The following ANKRD54 variants were observed in gnomAD, a reference collection of about 807,000 sequenced individuals.
ANKRD54 encodes the protein ankyrin repeat domain 54, also known as ankyrin repeat domain-containing protein 54.
ANKRD54 carries 26 observed loss-of-function variants against 36.2 expected under a neutral mutation model. That is an observed-to-expected ratio of 0.72 (90% CI 0.53 to 1.00). The LOEUF (loss-of-function observed/expected upper bound fraction) is 1.00. Ranked by LOEUF, ANKRD54 falls within the 50% of genes least tolerant of loss-of-function variation. The pLI is 0.00. For synonymous variants in ANKRD54, 209 were observed against 188.4 expected, an observed-to-expected ratio of 1.11 and a Z score of -0.89; for missense variants, 384 against 424.3, an observed-to-expected ratio of 0.91 and a Z score of 0.83.
At chr22:37,835,909 G>A (rs369335274) in intron 3 of ANKRD54, among the ~76,000 whole-genome samples, 2 of 151,988 alleles carry the variant, frequency 1.3e-5, no homozygotes, top group Non-Finnish European at 2.9e-5. Flanking sequence ...ACGCGATCTC[G>A]GCTCACTGTA....
chr22:37,843,851 G>A lies in ANKRD54; in HGVS notation c.328+60C>T, dbSNP rs971803741. On this transcript the variant is annotated intron_variant, in intron 1 of 7. Transcript: ENST00000215941. ...CAAAGCGCGGCCACTGGTCCTCTGA[G>A]GCCCCGCCCCTCGCCCGGGCTGCCC... 4.3e-6 allele frequency: 5 copies of A among 1,157,296 alleles called. No homozygotes were observed. In the African/African-American group the frequency reaches 6.5e-5, roughly 15 times the overall value. 71.7% of individuals were successfully genotyped at this position (1,157,296 alleles called of 1,614,324 possible). A position where few individuals can be genotyped will look rare whatever the true frequency, so the allele number is the denominator to read the frequency against.
intron 1 of ANKRD54, among the ~76,000 whole-genome samples, chr22:37,841,353 T>C (rs1326641588): frequency 1.3e-5 from 2 of 152,020 alleles, no homozygotes; most frequent in African/African-American, 4.8e-5. Context: ...TGGTGAAACC[T>C]TGTCTATACT....
upstream of ANKRD54, among the ~76,000 whole-genome samples, chr22:37,846,392 C>A (rs950900352): frequency 1.3e-5 from 2 of 152,134 alleles, no homozygotes; most frequent in African/African-American, 4.8e-5. Context: ...GATCACAGCT[C>A]ACTGCACTCA....
upstream of ANKRD54, among the ~76,000 whole-genome samples, chr22:37,845,004 T>G (rs527284070): frequency 1.2e-4 from 17 of 143,468 alleles, no homozygotes; most frequent in East Asian, 3.4e-3. Flanking sequence ...GATATAGATG[T>G]TGTAAATCAA....
chr22:37,841,539 C>T (rs1454800655), intron 1 of ANKRD54, among the ~76,000 whole-genome samples: 2 of 146,786 alleles, frequency 1.4e-5, no homozygotes, highest in Admixed American at 6.8e-5. Context: ...CAAACACACA[C>T]ACACACACAC....
intron 1 of ANKRD54, 41 bp from the exon 2 acceptor site, chr22:37,840,275 A>G: frequency 3.1e-6 from 5 of 1,609,472 alleles, no homozygotes; most frequent in Non-Finnish European, 4.2e-6. Context: ...AAAAACAGCC[A>G]TGGCTGGGTG....
Position 37,833,667 on chromosome 22 carries a change from A to C in ANKRD54, c.547+17T>G. Reference sequence around the variant, plus strand: ...TTGCTGCAAATGAGTTGTCTTAGTGACTTCTGACATGCTTACCCAGGTGCA... The same window carrying C: ...TTGCTGCAAATGAGTTGTCTTAGTGCCTTCTGACATGCTTACCCAGGTGCA... On this transcript the variant is annotated intron_variant, in intron 4 of 7. Coordinates refer to ENST00000215941, the MANE Select transcript of ANKRD54 (RefSeq NM_138797.4). 6.2e-7 allele frequency: 1 copy of C among 1,613,408 alleles called. No homozygotes were observed.
intron 3 of ANKRD54, among the ~76,000 whole-genome samples, chr22:37,835,925 C>T (rs930876653): frequency 6.6e-6 from 1 of 152,000 alleles, no homozygotes; most frequent in Non-Finnish European, 1.5e-5. Flanking sequence ...CTGTAAGCTC[C>T]GCCTCCCGGC....
upstream of ANKRD54, among the ~76,000 whole-genome samples, chr22:37,845,697 C>T (rs1220115906): frequency 1.3e-5 from 2 of 152,092 alleles, no homozygotes; most frequent in African/African-American, 4.8e-5. Context: ...GATGAAACCT[C>T]GTTTCTACTA....
At position 37,830,918 on chromosome 22, in the gene ANKRD54, G is replaced by A. The variant is rs1473493488; in HGVS notation, c.*1025C>T. 1 of 152,156 alleles carries A rather than the reference G, an allele frequency of 6.6e-6. No individual in the cohort carries two copies. Among genetic ancestry groups the A allele is most frequent in the Admixed American group, 6.5e-5 (1 of 15,274 alleles). The allele number at this position is 152,156 out of a possible 1,614,324, so 9.4% of individuals were successfully genotyped here. A position where few individuals can be genotyped will look rare whatever the true frequency, so the allele number is the denominator to read the frequency against. ...AAAATCAGCCAGAATTATAAAATTA[G>A]CCTCACTGAGCCAGTCCAGGTGGGA... is the stretch of plus-strand genomic sequence containing the variant. On this transcript the variant is annotated 3_prime_UTR_variant, in exon 8 of 8. Transcript: ENST00000215941.
chr22:37,835,968 G>A (rs1923467630), intron 3 of ANKRD54, among the ~76,000 whole-genome samples: 2 of 151,892 alleles, frequency 1.3e-5, no homozygotes, highest in African/African-American at 4.8e-5. Flanking sequence ...GCGAGTAGCT[G>A]GAACTACAGG....
chr22:37,844,413 T>A, upstream of ANKRD54: 1 of 598,824 alleles, frequency 1.7e-6, no homozygotes, highest in Non-Finnish European at 2.8e-6. Context: ...AACCAATGAC[T>A]ACCCTTCCAG....
chr22:37,846,857 CTTT>C (rs759482944), upstream of ANKRD54, among the ~76,000 whole-genome samples: 3 of 142,736 alleles, frequency 2.1e-5, no homozygotes, highest in Non-Finnish European at 1.5e-5. Flanking sequence ...AATTTCTTTT[CTTT>C]TTTTTTTTTT....
intron 1 of ANKRD54, among the ~76,000 whole-genome samples, chr22:37,841,281 G>A (rs368721299): frequency 6.6e-6 from 1 of 150,892 alleles, no homozygotes; most frequent in Non-Finnish European, 1.5e-5. Flanking sequence ...ATCCCAGAAC[G>A]TTGGAAAGCT....
At chr22:37,845,809 C>T (rs1276956248), upstream of ANKRD54, among the ~76,000 whole-genome samples, 3 of 151,682 alleles carry the variant, frequency 2.0e-5, no homozygotes, top group African/African-American at 4.9e-5. Context: ...GCAGAGGTTG[C>T]GGTGAGCTGA....
At position 37,844,072 on chromosome 22, in the gene ANKRD54, C is replaced by T. The variant is rs1006098591; in HGVS notation, c.167G>A (p.Arg56Gln). 1 of 1,438,940 alleles carries T rather than the reference C, an allele frequency of 6.9e-7. No individual in the cohort carries two copies. Among genetic ancestry groups the T allele is most frequent in the Admixed American group, 3.0e-5 (1 of 33,244 alleles). 89.1% of individuals were successfully genotyped at this position (1,438,940 alleles called of 1,614,324 possible). The change falls in exon 1 of 8, where the codon CGG becomes CAG. Residue 56 changes from arginine (R) to glutamine (Q), a missense_variant. This residue lies in a region of ANKRD54 where 195 missense variants were observed against 177.7 expected (regional missense o/e 1.10). Coordinates refer to ENST00000215941, the MANE Select transcript of ANKRD54 (RefSeq NM_138797.4). ...LGGGGAGLSG[R>Q]ASGGAQSPLR... ...CGGCGACTGGGCCCCGCCGGACGCC[C>T]GGCCCGAGAGGCCCGCGCCGCCGCC...
At chr22:37,840,382 C>A (rs1924076624) in intron 1 of ANKRD54, 148 bp from the exon 2 acceptor site, 1 of 821,550 alleles carries the variant, frequency 1.2e-6, no homozygotes, top group African/African-American at 1.7e-5. Flanking sequence ...CATGGTGAAA[C>A]CCCATCTCTA....
intron 3 of ANKRD54, among the ~76,000 whole-genome samples, chr22:37,836,447 C>CAAAAA (rs760828902): frequency 1.8e-4 from 4 of 22,630 alleles, no homozygotes; most frequent in African/African-American, 7.8e-4. Flanking sequence ...AACTCTGTCT[C>CAAAAA]AAAAAAAAAA....
chr22:37,835,817 AAGAC>A (rs1047651635), intron 3 of ANKRD54, among the ~76,000 whole-genome samples: 6 of 152,054 alleles, frequency 3.9e-5, no homozygotes, highest in African/African-American at 1.2e-4. Flanking sequence ...AAAAAAGAAA[AAGAC>A]AGAAAACTAG....
Sources: allele counts gnomAD v4.1 joint callset (sites outside exome capture counted in the v4.1 genomes callset), GRCh38; gene constraint gnomAD v4.1.1; regional missense constraint gnomAD v4.1.1; transcripts MANE v1.5; gene names NCBI Gene and HGNC (gene_info 2026-07-23, HGNC 2026-07-21).